Variants in ADGRL3 observed in about 807,000 individuals in gnomAD.
ADGRL3 encodes the protein adhesion G protein-coupled receptor L3.
ADGRL3 carries 62 observed loss-of-function variants against 153.5 expected under a neutral mutation model. The ratio of observed to expected loss-of-function variants is 0.40; its 90% CI spans 0.33 to 0.50. ADGRL3 has a LOEUF of 0.50. Among genes scored for constraint, ADGRL3 ranks in the 20% least tolerant of loss-of-function variants. ADGRL3 has a pLI of 0.47. For synonymous variants in ADGRL3, 710 were observed against 672.5 expected, an observed-to-expected ratio of 1.06 and a Z score of -0.86; for missense variants, 1,641 against 1,859.4, an observed-to-expected ratio of 0.88 and a Z score of 2.16.
intron 1 of ADGRL3, among the ~76,000 whole-genome samples, chr4:61,255,438 T>G (rs1416916944): frequency 2.6e-5 from 4 of 152,194 alleles, no homozygotes. Context: ...ACTTGGCAAT[T>G]GCCTTGTTAA....
intron 2 of ADGRL3, among the ~76,000 whole-genome samples, chr4:61,463,793 G>T (rs1023966562): frequency 6.6e-6 from 1 of 152,154 alleles, no homozygotes; most frequent in African/African-American, 2.4e-5. Context: ...GACGGGGTGG[G>T]TATGAGGGTT....
At chr4:61,351,823 C>A (rs781430903) in intron 1 of ADGRL3, among the ~76,000 whole-genome samples, 6 of 152,092 alleles carry the variant, frequency 3.9e-5, no homozygotes, top group Admixed American at 1.3e-4. Context: ...CGCCCAAGAG[C>A]TGTGATGGAG....
At chr4:61,709,003 T>C (rs1399565456) in intron 6 of ADGRL3, among the ~76,000 whole-genome samples, 1 of 151,978 alleles carries the variant, frequency 6.6e-6, no homozygotes, top group African/African-American at 2.4e-5. Context: ...AGAGACAATG[T>C]CTCACCATGT....
intron 21 of ADGRL3, among the ~76,000 whole-genome samples, chr4:62,012,616 A>G (rs6813040): frequency 2.0e-5 from 3 of 152,164 alleles, no homozygotes; most frequent in African/African-American, 7.2e-5. Flanking sequence ...AAATCTAGTA[A>G]AATGTGTTTA....
intron 8 of ADGRL3, among the ~76,000 whole-genome samples, chr4:61,798,681 G>A (rs906020591): frequency 5.3e-5 from 8 of 151,610 alleles, no homozygotes; most frequent in East Asian, 1.9e-4. Context: ...GCAGTGGCAC[G>A]ATCTTGGCTC....
At chr4:61,608,557 T>C (rs1169633217) in intron 5 of ADGRL3, among the ~76,000 whole-genome samples, 1 of 152,340 alleles carries the variant, frequency 6.6e-6, no homozygotes, top group African/African-American at 2.4e-5. Context: ...AGTTTGTTAC[T>C]TAGCTATTTT....
chr4:61,985,006 T>C (rs909952973), intron 19 of ADGRL3, among the ~76,000 whole-genome samples: 3 of 152,062 alleles, frequency 2.0e-5, no homozygotes, highest in African/African-American at 4.8e-5. Flanking sequence ...GAGAGAAAAT[T>C]CCTTATAGTA....
intron 21 of ADGRL3, among the ~76,000 whole-genome samples, chr4:62,028,605 C>A (rs1338340976): frequency 6.6e-6 from 1 of 151,582 alleles, no homozygotes; most frequent in African/African-American, 2.4e-5. Flanking sequence ...AATATGAGCA[C>A]ATGATAAAAA....
chr4:61,496,992 G>T, intron 2 of ADGRL3, 129 bp from the exon 3 acceptor site: 1 of 303,288 alleles, frequency 3.3e-6, no homozygotes, highest in East Asian at 8.1e-5. Context: ...AGTAGAGACT[G>T]AATTGTTTAT....
intron 5 of ADGRL3, among the ~76,000 whole-genome samples, chr4:61,629,446 C>T (rs1010821629): frequency 6.6e-6 from 1 of 151,636 alleles, no homozygotes; most frequent in Non-Finnish European, 1.5e-5. Flanking sequence ...TGGCCAGGCG[C>T]GGTGGTTCAC....
At chr4:61,857,064 C>T (rs1417717813) in intron 9 of ADGRL3, among the ~76,000 whole-genome samples, 16 of 150,192 alleles carry the variant, frequency 1.1e-4, no homozygotes, top group Admixed American at 1.0e-3. Context: ...CTCCCTCTCT[C>T]TCTCTTTCTT....
intron 5 of ADGRL3, among the ~76,000 whole-genome samples, chr4:61,608,808 T>C (rs1023712829): frequency 5.3e-5 from 8 of 152,330 alleles, no homozygotes; most frequent in African/African-American, 1.7e-4. Context: ...CATAGAGATA[T>C]GACTTAGAAC....
At chr4:61,515,949 CT>C (rs1333563704) in intron 3 of ADGRL3, among the ~76,000 whole-genome samples, 1 of 152,038 alleles carries the variant, frequency 6.6e-6, no homozygotes, top group Non-Finnish European at 1.5e-5. Flanking sequence ...TTATTTTCTT[CT>C]TTGGCACCTT....
chr4:61,740,449 C>T (rs980982118), intron 8 of ADGRL3, among the ~76,000 whole-genome samples: 1 of 152,272 alleles, frequency 6.6e-6, no homozygotes, highest in Non-Finnish European at 1.5e-5. Context: ...GACTGACTTT[C>T]ACCTTTAACT....
intron 8 of ADGRL3, among the ~76,000 whole-genome samples, chr4:61,753,617 G>A (rs1204650945): frequency 2.0e-5 from 3 of 152,158 alleles, no homozygotes; most frequent in Admixed American, 1.3e-4. Flanking sequence ...TGCTAGAATT[G>A]AGCATGATCT....
chr4:61,703,924 C>T (rs764304947), intron 6 of ADGRL3, among the ~76,000 whole-genome samples: 10 of 151,824 alleles, frequency 6.6e-5, no homozygotes, highest in Non-Finnish European at 1.2e-4. Context: ...GTATCTGTTC[C>T]CCAGCAGGTG....
intron 2 of ADGRL3, among the ~76,000 whole-genome samples, chr4:61,456,464 G>T (rs557193412): frequency 2.3e-4 from 23 of 101,736 alleles, no homozygotes; most frequent in Middle Eastern, 5.3e-3. Context: ...TATATATATA[G>T]ATATATCTAT....
At chr4:61,654,845 C>T (rs975807871) in intron 5 of ADGRL3, among the ~76,000 whole-genome samples, 4 of 151,018 alleles carry the variant, frequency 2.6e-5, no homozygotes, top group Non-Finnish European at 5.9e-5. Context: ...TGCAGTGAGC[C>T]GAGATCTCAC....
intron 1 of ADGRL3, among the ~76,000 whole-genome samples, chr4:61,217,931 A>G (rs1035498571): frequency 1.3e-5 from 2 of 152,222 alleles, no homozygotes; most frequent in Non-Finnish European, 2.9e-5. Flanking sequence ...AAAGAATAGC[A>G]GTAAAATATC....
Sources: allele counts gnomAD v4.1 joint callset (sites outside exome capture counted in the v4.1 genomes callset), GRCh38; gene constraint gnomAD v4.1.1; transcripts MANE v1.5; gene names NCBI Gene and HGNC (gene_info 2026-07-23, HGNC 2026-07-21).